Variants in EML1 observed in about 807,000 individuals in gnomAD.
The protein encoded by EML1 is echinoderm microtubule-associated protein-like 1.
Under a neutral mutation model 110.4 loss-of-function variants are expected in EML1, and 27 were observed. That is an observed-to-expected ratio of 0.24 (90% CI 0.18 to 0.34). The LOEUF (loss-of-function observed/expected upper bound fraction) is 0.34, where lower values mean the gene tolerates loss of function less well. Ranked by LOEUF, EML1 falls within the 10% of genes least tolerant of loss-of-function variation. EML1 has a pLI of 1.00. For synonymous variants in EML1, 344 were observed against 385.8 expected (o/e 0.89, Z 1.27); for missense variants, 741 against 1,030.9 (o/e 0.72, Z 3.85).
chr14:99,800,016 A>G (rs2057846399), intron 1 of EML1, among the ~76,000 whole-genome samples: 1 of 152,244 alleles, frequency 6.6e-6, no homozygotes, highest in Non-Finnish European at 1.5e-5. Context: ...TTAAAATTTT[A>G]TCAAGCTCAT....
At chr14:99,786,440 C>T (rs960250906) in intron 1 of EML1, among the ~76,000 whole-genome samples, 3 of 152,214 alleles carry the variant, frequency 2.0e-5, no homozygotes, top group African/African-American at 7.2e-5. Flanking sequence ...TTGTGTCAAG[C>T]ATGATGGGCA....
intron 1 of EML1, among the ~76,000 whole-genome samples, chr14:99,787,047 G>A (rs976863679): frequency 2.6e-5 from 4 of 152,154 alleles, no homozygotes; most frequent in African/African-American, 9.7e-5. Flanking sequence ...TCTGAAAGGG[G>A]CAGAGTGACC....
chr14:99,788,715 T>C (rs1464658905), upstream of EML1, among the ~76,000 whole-genome samples: 1 of 152,136 alleles, frequency 6.6e-6, no homozygotes, highest in Non-Finnish European at 1.5e-5. Context: ...TTATAAAGCA[T>C]GAGGAGATTC....
intron 4 of EML1, among the ~76,000 whole-genome samples, chr14:99,879,806 G>A (rs1053701896): frequency 6.6e-6 from 1 of 152,196 alleles, no homozygotes; most frequent in Admixed American, 6.5e-5. Flanking sequence ...TTAGTGGGAG[G>A]TGCAACGTAG....
At chr14:99,878,398 G>T in intron 3 of EML1, 87 bp from the exon 4 acceptor site, 1 of 1,496,408 alleles carries the variant, frequency 6.7e-7, no homozygotes, top group South Asian at 1.4e-5. Flanking sequence ...GTGGAAGTAT[G>T]ACGTTCTATG....
Position 99,936,410 on chromosome 14 carries a change from A to T in EML1, c.2095+76A>T, listed in dbSNP as rs1421501538. On this transcript the variant is annotated intron_variant, in intron 19 of 21. Transcript: ENST00000262233. The surrounding 1 kb of genome is among the most constrained non-coding windows in gnomAD (Gnocchi z 5.5). ...CTCTGAGATCCAGGGGGCCTCTGTG[A>T]GAACCCACCTCCTGTATGACTTAGG... The T allele has an allele frequency of 7.5e-6, 10 of 1,339,360 alleles. No individual in the cohort carries two copies. The highest frequency in any genetic ancestry group is 1.1e-5 in the Non-Finnish European group (10 of 943,896). The allele number at this position is 1,339,360 out of a possible 1,614,324, so 83.0% of individuals were successfully genotyped here. A position where few individuals can be genotyped will look rare whatever the true frequency, so the allele number is the denominator to read the frequency against.
At chr14:99,930,309 T>C (rs1399444038) in intron 17 of EML1, among the ~76,000 whole-genome samples, 1 of 152,244 alleles carries the variant, frequency 6.6e-6, no homozygotes, top group Non-Finnish European at 1.5e-5. Context: ...TGTTGGTCTA[T>C]ACCTCACCGT....
chr14:99,928,896 A>G (rs183180568), intron 17 of EML1, among the ~76,000 whole-genome samples: 1 of 152,316 alleles, frequency 6.6e-6, no homozygotes, highest in Admixed American at 6.5e-5. Flanking sequence ...CCTTTCATTC[A>G]TAACCTCCTC....
chr14:99,912,409 A>G (rs1282878326), intron 13 of EML1, among the ~76,000 whole-genome samples: 1 of 152,148 alleles, frequency 6.6e-6, no homozygotes, highest in African/African-American at 2.4e-5. Flanking sequence ...CTGCCCACTC[A>G]GTGAATTTTC....
At chr14:99,863,089 C>T (rs1048503810) in intron 2 of EML1, among the ~76,000 whole-genome samples, 26 of 152,220 alleles carry the variant, frequency 1.7e-4, no homozygotes, top group African/African-American at 6.0e-4. Flanking sequence ...CAGTGAGAGA[C>T]CTGCCGCTGC....
At chr14:99,908,282 G>A (rs1231375219) in intron 10 of EML1, among the ~76,000 whole-genome samples, 6 of 152,330 alleles carry the variant, frequency 3.9e-5, no homozygotes, top group African/African-American at 1.4e-4. Context: ...TTCTTTGACC[G>A]CCTCTAATCC....
intron 3 of EML1, chr14:99,874,924 T>C (rs2059264335): frequency 8.1e-6 from 13 of 1,611,334 alleles, no homozygotes; most frequent in South Asian, 1.1e-5. Flanking sequence ...GTGCCTCTTA[T>C]ATGTAGATTA....
intron 17 of EML1, 21 bp downstream of exon 17, chr14:99,920,898 C>G: frequency 6.5e-7 from 1 of 1,536,646 alleles, no homozygotes; most frequent in South Asian, 1.2e-5. Flanking sequence ...AAACCATTCA[C>G]TACTTTATTT....
At chr14:99,793,412 C>T (rs1205912805), upstream of EML1, 9 of 1,015,650 alleles carry the variant, frequency 8.9e-6, no homozygotes, top group South Asian at 3.1e-4. Context: ...GGGCTCAGCT[C>T]AGTGTGTGGT....
intron 2 of EML1, among the ~76,000 whole-genome samples, chr14:99,853,147 AAAAT>A (rs1448803559): frequency 6.6e-6 from 1 of 152,244 alleles, no homozygotes; most frequent in Non-Finnish European, 1.5e-5. Flanking sequence ...ACTGCACAGA[AAAAT>A]AAATGTTTTC....
intron 1 of EML1, among the ~76,000 whole-genome samples, chr14:99,739,259 G>T (rs553416175): frequency 6.6e-6 from 1 of 151,906 alleles, no homozygotes; most frequent in African/African-American, 2.4e-5. Context: ...CGGGAGCCCC[G>T]GGAGCCAGCA....
chr14:99,888,667 A>G (rs1036079263), intron 4 of EML1, among the ~76,000 whole-genome samples: 5 of 152,228 alleles, frequency 3.3e-5, no homozygotes, highest in African/African-American at 1.2e-4. Flanking sequence ...CAATTCAGGT[A>G]TCTACAGTAT....
At chr14:99,858,889 C>T (rs1295806673) in intron 2 of EML1, among the ~76,000 whole-genome samples, 3 of 152,208 alleles carry the variant, frequency 2.0e-5, no homozygotes. Context: ...TGGATTTCCT[C>T]ATATAATCAT....
At position 99,902,850 on chromosome 14, in the gene EML1, G is replaced by C. The variant is rs140594435; in HGVS notation, c.1008+1811G>C. Among the ~76,000 whole-genome samples, 324 of 152,310 alleles carry C rather than the reference G, an allele frequency of 2.1e-3. 1 individual carries two copies. The highest frequency in any genetic ancestry group is 7.6e-3 in the African/African-American group (314 of 41,558). On this transcript the variant is annotated intron_variant, in intron 9 of 21. Coordinates refer to ENST00000262233, the MANE Select transcript of EML1 (RefSeq NM_004434.3). ...TTACTTACCACAGATCAGGAACCCT[G>C]TACAGGGACTGTGGAGACAAGGTAC...
Sources: allele counts gnomAD v4.1 joint callset (sites outside exome capture counted in the v4.1 genomes callset), GRCh38; gene constraint gnomAD v4.1.1; non-coding constraint Gnocchi (gnomAD v3.1); transcripts MANE v1.5; gene names NCBI Gene and HGNC (gene_info 2026-07-23, HGNC 2026-07-21).